The following ADAMTS6 variants were observed in gnomAD, a reference collection of about 807,000 sequenced individuals.
ADAMTS6 encodes the protein ADAM metallopeptidase with thrombospondin type 1 motif 6, also known as A disintegrin and metalloproteinase with thrombospondin motifs 6.
A neutral mutation model predicts 144.3 loss-of-function variants in ADAMTS6; 23 were observed. The observed-to-expected ratio is 0.16, with a 90% CI of 0.11 to 0.23. The LOEUF is 0.23. ADAMTS6 is among the 10% of genes least tolerant of loss of function. The pLI, the probability that ADAMTS6 is intolerant of heterozygous loss-of-function variation, is 1.00. For synonymous variants in ADAMTS6, 444 were observed against 457.5 expected (o/e 0.97, Z 0.38); for missense variants, 999 against 1,379.6 (o/e 0.72, Z 4.37).
intron 7 of ADAMTS6, among the ~76,000 whole-genome samples, chr5:65,334,781 T>C (rs564934634): frequency 2.0e-5 from 3 of 152,280 alleles, no homozygotes; most frequent in Admixed American, 6.5e-5. Flanking sequence ...GTCCATAATG[T>C]TGCATATTTT....
At chr5:65,233,411 A>G (rs1407442070) in intron 15 of ADAMTS6, among the ~76,000 whole-genome samples, 1 of 152,110 alleles carries the variant, frequency 6.6e-6, no homozygotes, top group South Asian at 2.1e-4. Context: ...CTGTTTGCTG[A>G]CAACATATTC....
chr5:65,481,154 AG>A (rs1189887060), intron 1 of ADAMTS6, among the ~76,000 whole-genome samples, 188 bp downstream of exon 1: 1 of 151,604 alleles, frequency 6.6e-6, no homozygotes, highest in East Asian at 1.9e-4. Flanking sequence ...ACCCCCGACA[AG>A]TCTGGAGTTA....
chr5:65,340,981 T>C (rs1401652909), intron 7 of ADAMTS6, among the ~76,000 whole-genome samples: 1 of 151,970 alleles, frequency 6.6e-6, no homozygotes, highest in Non-Finnish European at 1.5e-5. Context: ...TAGGCTGCAA[T>C]AATATGTCAC....
intron 7 of ADAMTS6, among the ~76,000 whole-genome samples, chr5:65,371,053 A>G (rs941066238): frequency 7.9e-5 from 12 of 152,226 alleles, no homozygotes; most frequent in Non-Finnish European, 1.6e-4. Flanking sequence ...ACAGACCTGC[A>G]GCTGAGTGTC....
At chr5:65,434,748 G>A (rs916816219) in intron 7 of ADAMTS6, among the ~76,000 whole-genome samples, 8 of 152,138 alleles carry the variant, frequency 5.3e-5, no homozygotes, top group African/African-American at 9.7e-5. Flanking sequence ...GCATTTCAAA[G>A]CAAGCTGGGA....
intron 7 of ADAMTS6, among the ~76,000 whole-genome samples, chr5:65,414,859 A>T (rs1321504729): frequency 6.6e-6 from 1 of 152,190 alleles, no homozygotes; most frequent in Non-Finnish European, 1.5e-5. Flanking sequence ...ACCTAAATGT[A>T]AGGGCTAAAA....
chr5:65,237,279 T>G (rs998840528), intron 15 of ADAMTS6, among the ~76,000 whole-genome samples: 5 of 151,112 alleles, frequency 3.3e-5, no homozygotes, highest in African/African-American at 1.2e-4. Flanking sequence ...GCCTAGCTAC[T>G]CAGGAGGCTG....
chr5:65,230,287 CATAT>C (rs70983664), intron 15 of ADAMTS6, among the ~76,000 whole-genome samples: 1,640 of 64,880 alleles, frequency 0.025, 288 homozygotes, highest in African/African-American at 0.041. Context: ...ATACCTAAAG[CATAT>C]ATATATATAT....
intron 7 of ADAMTS6, among the ~76,000 whole-genome samples, chr5:65,377,878 G>A (rs192652636): frequency 2.0e-5 from 3 of 152,186 alleles, no homozygotes; most frequent in African/African-American, 4.8e-5. Context: ...TCTGAAACCT[G>A]TAAGGGAGAA....
chr5:65,435,691 T>C (rs1401317435), intron 7 of ADAMTS6, among the ~76,000 whole-genome samples: 4 of 152,016 alleles, frequency 2.6e-5, no homozygotes, highest in Non-Finnish European at 4.4e-5. Flanking sequence ...AGTGGCGCGA[T>C]ATCGGCTCAC....
chr5:65,307,499 C>T (rs953125335), intron 9 of ADAMTS6, among the ~76,000 whole-genome samples: 8 of 152,140 alleles, frequency 5.3e-5, no homozygotes, highest in Non-Finnish European at 1.2e-4. Context: ...AACGTAGGAT[C>T]CAGAGGATCT....
intron 7 of ADAMTS6, among the ~76,000 whole-genome samples, chr5:65,396,161 CT>C (rs1373071635): frequency 6.6e-6 from 1 of 152,094 alleles, no homozygotes; most frequent in African/African-American, 2.4e-5. Flanking sequence ...AGTTAATTAT[CT>C]CAAAAAAAGC....
At chr5:65,448,167 GTTCA>G (rs1189638166) in intron 7 of ADAMTS6, among the ~76,000 whole-genome samples, 2 of 151,304 alleles carry the variant, frequency 1.3e-5, no homozygotes, top group Non-Finnish European at 2.9e-5. Flanking sequence ...GCTCTTTGGT[GTTCA>G]TTCAATATTA....
intron 18 of ADAMTS6, among the ~76,000 whole-genome samples, chr5:65,216,737 T>C (rs957888332): frequency 9.3e-5 from 14 of 151,276 alleles, no homozygotes; most frequent in East Asian, 1.9e-4. Context: ...AGAAAAAATA[T>C]TGATAGATAA....
At chr5:65,329,325 T>A (rs1013873340) in intron 9 of ADAMTS6, 53 bp downstream of exon 9, 26 of 1,529,270 alleles carry the variant, frequency 1.7e-5, no homozygotes, top group Non-Finnish European at 2.3e-5. Context: ...TAGTTACAAG[T>A]TGCTCAAGAG....
chr5:65,337,408 A>G (rs187097305), intron 7 of ADAMTS6, among the ~76,000 whole-genome samples: 2 of 151,844 alleles, frequency 1.3e-5, no homozygotes. Flanking sequence ...TTCTTACTCT[A>G]TTCATTCTCT....
intron 9 of ADAMTS6, among the ~76,000 whole-genome samples, chr5:65,303,866 T>C (rs1159503488): frequency 6.6e-6 from 1 of 152,158 alleles, no homozygotes. Flanking sequence ...ATATCAATTC[T>C]ATTTTTAAAT....
intron 7 of ADAMTS6, among the ~76,000 whole-genome samples, chr5:65,399,039 C>A (rs1292904280): frequency 1.3e-5 from 2 of 151,574 alleles, no homozygotes; most frequent in Admixed American, 1.3e-4. Flanking sequence ...GATGGATCGT[C>A]CGAGGTCAGG....
intron 15 of ADAMTS6, among the ~76,000 whole-genome samples, chr5:65,234,900 T>G (rs965120951): frequency 2.0e-5 from 3 of 152,150 alleles, no homozygotes; most frequent in African/African-American, 7.2e-5. Context: ...TTGTTTTATA[T>G]AGACATATGT....
Sources: gnomAD v4.1 joint callset for allele counts (sites outside exome capture counted in the v4.1 genomes callset) on GRCh38, gnomAD v4.1.1 for gene constraint, MANE v1.5 for transcripts, NCBI Gene and HGNC (gene_info 2026-07-23, HGNC 2026-07-21) for gene names.